The following NRXN1 variants were observed in gnomAD, a reference collection of about 807,000 sequenced individuals.
NRXN1 encodes the protein neurexin-1.
Under a neutral mutation model 150.9 loss-of-function variants are expected in NRXN1, and 39 were observed. The observed-to-expected ratio is 0.26, with a 90% CI of 0.20 to 0.34. The LOEUF is 0.34. Among genes scored for constraint, NRXN1 ranks in the 10% least tolerant of loss-of-function variants. The pLI is 1.00. For synonymous variants in NRXN1, 924 were observed against 757.0 expected (o/e 1.22, Z -3.62); for missense variants, 1,815 against 1,949.9 (o/e 0.93, Z 1.30).
At chr2:50,833,315 G>T (rs911791472) in intron 5 of NRXN1, among the ~76,000 whole-genome samples, 2 of 152,092 alleles carry the variant, frequency 1.3e-5, no homozygotes, top group African/African-American at 4.8e-5. Flanking sequence ...ATGTCCCCAA[G>T]ATTCTACTTT....
At chr2:50,598,200 T>TA (rs1407239563) in intron 8 of NRXN1, among the ~76,000 whole-genome samples, 4 of 150,716 alleles carry the variant, frequency 2.7e-5, no homozygotes, top group Non-Finnish European at 4.4e-5. Context: ...ACAGAACAAA[T>TA]AAATGAATGA....
chr2:50,387,357 A>T (rs1341462598), intron 17 of NRXN1, among the ~76,000 whole-genome samples: 1 of 152,086 alleles, frequency 6.6e-6, no homozygotes, highest in East Asian at 1.9e-4. Flanking sequence ...ACACCTGAAA[A>T]GGTAAAATCC....
At chr2:50,822,809 C>T (rs1559312772) in intron 5 of NRXN1, among the ~76,000 whole-genome samples, 1 of 152,130 alleles carries the variant, frequency 6.6e-6, no homozygotes, top group Non-Finnish European at 1.5e-5. Context: ...AGTTAAGGGT[C>T]TGTCAATCCA....
At chr2:50,360,656 T>C (rs764036239) in intron 17 of NRXN1, among the ~76,000 whole-genome samples, 17 of 152,034 alleles carry the variant, frequency 1.1e-4, no homozygotes, top group Non-Finnish European at 1.8e-4. Flanking sequence ...TCCCACACAA[T>C]AATAATGGGA....
chr2:50,766,864 T>C (rs1702447436), intron 5 of NRXN1, among the ~76,000 whole-genome samples: 1 of 152,016 alleles, frequency 6.6e-6, no homozygotes, highest in African/African-American at 2.4e-5. Flanking sequence ...AGTGAAAGTA[T>C]TACATGGACA....
intron 18 of NRXN1, among the ~76,000 whole-genome samples, chr2:50,218,486 CCTT>C (rs2063554602): frequency 7.2e-6 from 1 of 138,184 alleles, no homozygotes; most frequent in Non-Finnish European, 1.6e-5. Context: ...AAAGTTAGCA[CCTT>C]CTTTTTTTTT....
intron 5 of NRXN1, among the ~76,000 whole-genome samples, chr2:50,844,590 G>C (rs1320250144): frequency 2.6e-5 from 4 of 152,226 alleles, no homozygotes; most frequent in Non-Finnish European, 5.9e-5. Context: ...AAAAAGAGAA[G>C]TGTGTGCAGA....
rs77317742 is a variant in NRXN1 at position 50,470,050 on chromosome 2, T to C, written c.3244+2248A>G. ...GGGGTCCTGTGTGTTTGCCTCTTAT[T>C]TTCTATCTCATTGGGTATATCTGCC... is the stretch of plus-strand genomic sequence containing the variant. On this transcript the variant is annotated intron_variant, in intron 16 of 22. Coordinates refer to ENST00000401669, the MANE Select transcript of NRXN1 (RefSeq NM_001330078.2). 4.0e-3 allele frequency among the ~76,000 whole-genome samples: 604 copies of C among 151,754 alleles called. 5 individuals are homozygous for C. Among genetic ancestry groups the C allele is most frequent in the African/African-American group, 0.014 (578 of 41,468 alleles).
chr2:50,892,293 A>G (rs904251949), intron 5 of NRXN1, among the ~76,000 whole-genome samples: 3 of 152,136 alleles, frequency 2.0e-5, no homozygotes, highest in Non-Finnish European at 4.4e-5. Context: ...ATGGAAATAA[A>G]ATACTGAGAA....
intron 18 of NRXN1, among the ~76,000 whole-genome samples, chr2:50,172,145 G>A (rs79681884): frequency 0.18 from 26,636 of 152,000 alleles, 2,793 homozygotes; most frequent in East Asian, 0.4. Context: ...AGGCAACAGC[G>A]CCTTCTGAAA....
chr2:50,149,802 G>GA (rs200657353), intron 18 of NRXN1, among the ~76,000 whole-genome samples: 61 of 149,390 alleles, frequency 4.1e-4, no homozygotes, highest in South Asian at 1.3e-3. Flanking sequence ...TAGTTTAATT[G>GA]AAAAAAAAAG....
At chr2:50,947,871 C>T (rs1690654382) in intron 2 of NRXN1, among the ~76,000 whole-genome samples, 1 of 151,926 alleles carries the variant, frequency 6.6e-6, no homozygotes, top group African/African-American at 2.4e-5. Context: ...CTTGTTTTCT[C>T]ATCACGCTGA....
chr2:50,964,759 C>T (rs896522723), intron 2 of NRXN1, among the ~76,000 whole-genome samples: 3 of 151,286 alleles, frequency 2.0e-5, no homozygotes, highest in African/African-American at 7.3e-5. Context: ...AGATACAGCT[C>T]CACATAAAAA....
intron 21 of NRXN1, among the ~76,000 whole-genome samples, chr2:50,029,236 C>G (rs1688824375): frequency 6.6e-6 from 1 of 152,156 alleles, no homozygotes; most frequent in African/African-American, 2.4e-5. Context: ...AATCAGCTGC[C>G]ACCTTGATCA....
At chr2:50,582,556 A>C (rs570703635) in intron 8 of NRXN1, among the ~76,000 whole-genome samples, 269 of 151,876 alleles carry the variant, frequency 1.8e-3, no homozygotes, top group Non-Finnish European at 3.0e-3. Context: ...CAAAAATAGC[A>C]AAGAGGAAAC....
chr2:50,755,047 T>A (rs573331030), intron 5 of NRXN1, among the ~76,000 whole-genome samples: 1 of 151,932 alleles, frequency 6.6e-6, no homozygotes, highest in African/African-American at 2.4e-5. Flanking sequence ...CAACTTAGAC[T>A]CAGATTAGTG....
rs140737306 is a variant in NRXN1 at position 50,338,838 on chromosome 2, A to T, written c.3365-101868T>A. ...AATGTATTTTTTAGAACAGCATCAC[A>T]GTCAACTCCTAGTGAAGTACTTTAT... is the stretch of plus-strand genomic sequence containing the variant. On this transcript the variant is annotated intron_variant, in intron 17 of 22. Coordinates refer to ENST00000401669, the MANE Select transcript of NRXN1 (RefSeq NM_001330078.2). Among the ~76,000 whole-genome samples the T allele has an allele frequency of 7.6e-3, 1,164 of 152,340 alleles. 23 individuals are homozygous for T. The highest frequency in any genetic ancestry group is 0.027 in the African/African-American group (1,106 of 41,574).
intron 21 of NRXN1, among the ~76,000 whole-genome samples, chr2:49,973,284 C>T (rs1558613430): frequency 6.6e-6 from 1 of 151,944 alleles, no homozygotes; most frequent in East Asian, 1.9e-4. Flanking sequence ...TTTCATTATC[C>T]CAGACACGCA....
intron 21 of NRXN1, among the ~76,000 whole-genome samples, chr2:49,992,386 C>CA (rs35104751): frequency 0.3 from 42,553 of 142,022 alleles, 6,478 homozygotes; most frequent in East Asian, 0.49. Context: ...AAAATACAAA[C>CA]AAAAAAAAAA....
Sources: gnomAD v4.1 joint callset for allele counts (sites outside exome capture counted in the v4.1 genomes callset) on GRCh38, gnomAD v4.1.1 for gene constraint, MANE v1.5 for transcripts, NCBI Gene and HGNC (gene_info 2026-07-23, HGNC 2026-07-21) for gene names.